Variants in PTPRR observed in about 807,000 individuals in gnomAD.
PTPRR encodes receptor-type tyrosine-protein phosphatase R.
In PTPRR, 38 loss-of-function variants were observed where a neutral mutation model predicts 77.2. The observed-to-expected ratio is 0.49, with a 90% confidence interval of 0.38 to 0.65. PTPRR has a LOEUF of 0.65. Ranked by LOEUF, PTPRR falls within the 30% of genes least tolerant of loss-of-function variation. PTPRR has a pLI of 0.00. For synonymous variants in PTPRR, 299 were observed against 283.1 expected (o/e 1.06, Z -0.57); for missense variants, 744 against 799.2 (o/e 0.93, Z 0.83).
At chr12:70,871,882 G>T (rs923715103) in intron 2 of PTPRR, among the ~76,000 whole-genome samples, 59 of 152,214 alleles carry the variant, frequency 3.9e-4, no homozygotes, top group African/African-American at 1.4e-3. Flanking sequence ...ATCACCTCAG[G>T]TCACACCTTG....
At chr12:70,875,882 G>A (rs1442899500) in intron 2 of PTPRR, among the ~76,000 whole-genome samples, 1 of 152,014 alleles carries the variant, frequency 6.6e-6, no homozygotes, top group East Asian at 1.9e-4. Flanking sequence ...TGCATGAGAG[G>A]AATTCCAAGT....
intron 10 of PTPRR, among the ~76,000 whole-genome samples, chr12:70,665,785 C>T (rs1231915487): frequency 1.3e-5 from 2 of 150,524 alleles, no homozygotes; most frequent in South Asian, 2.1e-4. Flanking sequence ...TGTTTAGTTG[C>T]CTGAAAAAAA....
At chr12:70,832,721 T>C (rs1892235971) in intron 2 of PTPRR, among the ~76,000 whole-genome samples, 1 of 152,182 alleles carries the variant, frequency 6.6e-6, no homozygotes, top group African/African-American at 2.4e-5. Flanking sequence ...CCATTTTGTG[T>C]GGCCACAAAG....
At chr12:70,699,042 G>A (rs1310196546) in intron 7 of PTPRR, among the ~76,000 whole-genome samples, 9 of 152,142 alleles carry the variant, frequency 5.9e-5, no homozygotes, top group African/African-American at 7.2e-5. Context: ...GTGGCTGTAT[G>A]TAAGTGCATT....
intron 10 of PTPRR, chr12:70,672,435 C>G: frequency 6.3e-6 from 7 of 1,103,772 alleles, no homozygotes; most frequent in Non-Finnish European, 4.2e-6. Context: ...GCAAGCACAT[C>G]AAGGCCACAG....
In PTPRR at chr12:70,660,836, T is replaced by C. The variant is rs1592645054; in HGVS notation, c.1766+104A>G. Reference sequence around the variant, plus strand: ...AACCAATTTCAATAAATATTTAATTTGCCAACAAAGTCACATCCAGGAAGC... The same window carrying C: ...AACCAATTTCAATAAATATTTAATTCGCCAACAAAGTCACATCCAGGAAGC... On this transcript the variant is annotated intron_variant, in intron 12 of 13. Transcript: ENST00000283228. 4 of 1,134,596 alleles carry C rather than the reference T, an allele frequency of 3.5e-6. No homozygotes were observed. The East Asian group carries it at 1.1e-4, about 30-fold the overall frequency. The allele number at this position is 1,134,596 out of a possible 1,614,324, so 70.3% of individuals were successfully genotyped here. A position where few individuals can be genotyped will look rare whatever the true frequency, so the allele number is the denominator to read the frequency against.
chr12:70,882,410 A>G (rs1302078439), intron 2 of PTPRR, among the ~76,000 whole-genome samples: 1 of 152,174 alleles, frequency 6.6e-6, no homozygotes, highest in African/African-American at 2.4e-5. Flanking sequence ...CAGAGGATAT[A>G]GAACACCAAG....
intron 2 of PTPRR, 114 bp downstream of exon 2, chr12:70,892,565 A>G (rs1462697150): frequency 4.1e-6 from 5 of 1,231,316 alleles, no homozygotes; most frequent in Non-Finnish European, 5.7e-6. Flanking sequence ...GCTGTGGTAC[A>G]TACCCGTTGG....
intron 2 of PTPRR, among the ~76,000 whole-genome samples, chr12:70,845,338 A>C (rs902737366): frequency 6.6e-6 from 1 of 152,174 alleles, no homozygotes; most frequent in African/African-American, 2.4e-5. Context: ...CCACCCCCCA[A>C]AAAAAGGACA....
At chr12:70,729,338 AT>A (rs1889572635) in intron 6 of PTPRR, among the ~76,000 whole-genome samples, 1 of 12,912 alleles carries the variant, frequency 7.7e-5, no homozygotes, top group Non-Finnish European at 4.4e-4. Context: ...CTATCTATCT[AT>A]CTATCTATCT....
chr12:70,651,874 G>T (rs993025637), intron 13 of PTPRR, among the ~76,000 whole-genome samples: 1 of 150,580 alleles, frequency 6.6e-6, no homozygotes, highest in African/African-American at 2.5e-5. Context: ...CAAGTTACTC[G>T]CTATCTCGAA....
At chr12:70,815,002 T>A (rs1013700761) in intron 2 of PTPRR, among the ~76,000 whole-genome samples, 1 of 150,792 alleles carries the variant, frequency 6.6e-6, no homozygotes, top group African/African-American at 2.4e-5. Flanking sequence ...ATAAAAAAAA[T>A]AGAAAACAGA....
chr12:70,659,231 T>G (rs191082980), intron 12 of PTPRR, among the ~76,000 whole-genome samples: 1 of 152,060 alleles, frequency 6.6e-6, no homozygotes, highest in East Asian at 1.9e-4. Context: ...AGAGACTCCA[T>G]GTAAGGTGAG....
In PTPRR at chr12:70,757,591, T is replaced by G. The variant is rs548097103; in HGVS notation, c.628-3290A>C. On this transcript the variant is annotated intron_variant, in intron 4 of 13. Coordinates refer to ENST00000283228, the MANE Select transcript of PTPRR (RefSeq NM_002849.4). Reference sequence around the variant, plus strand: ...AACAAGAACAGTTTTCTAGTTGGGTTTTTTTGTTTCTGAAGAGTCATTTTC... The same window carrying G: ...AACAAGAACAGTTTTCTAGTTGGGTGTTTTTGTTTCTGAAGAGTCATTTTC... 3.3e-5 allele frequency among the ~76,000 whole-genome samples: 5 copies of G among 152,216 alleles called. No homozygotes were observed. The South Asian group carries it at 1.0e-3, about 32-fold the overall frequency.
rs545483032 is a variant in PTPRR, at chr12:70,745,696, G to A, written c.1007+122C>T. On this transcript the variant is annotated intron_variant, in intron 6 of 13. Coordinates refer to ENST00000283228, the MANE Select transcript of PTPRR (RefSeq NM_002849.4). Reference sequence around the variant, plus strand: ...ACAAGAAACACTACTTCATCTGACTGTCCATTTAGTGGTGAACAATTCTAC... The same window carrying A: ...ACAAGAAACACTACTTCATCTGACTATCCATTTAGTGGTGAACAATTCTAC... The A allele has an allele frequency of 6.3e-5, 71 of 1,133,444 alleles. No homozygotes were observed. The African/African-American group carries it at 1.0e-3, about 16-fold the overall frequency. The allele number at this position is 1,133,444 out of a possible 1,614,324, so 70.2% of individuals were successfully genotyped here.
rs1331106234 is a variant in PTPRR at position 70,661,075 on chromosome 12, A to G, written c.1631T>C (p.Val544Ala). Residue 544 changes from valine to alanine, a missense_variant, in exon 12 of 14, where the codon GTG becomes GCG. Coordinates refer to ENST00000283228, the MANE Select transcript of PTPRR (RefSeq NM_002849.4). ...VLKQGSHTQH[V>A]KHYWYTSWPD... ...CCATGAGGTGTACCAGTAATGCTTCACATGTTGGGTGTGGCTTCCTTGCTG... is the reference window on the plus strand; with the variant it reads ...CCATGAGGTGTACCAGTAATGCTTCGCATGTTGGGTGTGGCTTCCTTGCTG... 4.3e-6 allele frequency: 7 copies of G among 1,611,740 alleles called. No homozygotes were observed. The highest frequency in any genetic ancestry group is 1.1e-5 in the South Asian group (1 of 90,524).
intron 2 of PTPRR, among the ~76,000 whole-genome samples, chr12:70,857,164 T>C (rs1384807598): frequency 6.6e-6 from 1 of 152,158 alleles, no homozygotes; most frequent in East Asian, 1.9e-4. Context: ...ATGAAAATGA[T>C]GTTGACTAGA....
intron 6 of PTPRR, among the ~76,000 whole-genome samples, chr12:70,735,545 G>A (rs1272055292): frequency 1.3e-5 from 2 of 152,158 alleles, no homozygotes; most frequent in Non-Finnish European, 2.9e-5. Flanking sequence ...TGGGGATTAT[G>A]GGAGCTACGG....
intron 2 of PTPRR, among the ~76,000 whole-genome samples, chr12:70,809,427 G>T (rs2137029037): frequency 6.6e-6 from 1 of 152,208 alleles, no homozygotes; most frequent in South Asian, 2.1e-4. Flanking sequence ...TGAATTTGTT[G>T]GTTTTTGCTG....
Sources: gnomAD v4.1 joint callset for allele counts (sites outside exome capture counted in the v4.1 genomes callset) on GRCh38, gnomAD v4.1.1 for gene constraint, MANE v1.5 for transcripts, NCBI Gene and HGNC (gene_info 2026-07-23, HGNC 2026-07-21) for gene names.